CADM3: variants seen among roughly 807,000 people sequenced by gnomAD.
CADM3 encodes cell adhesion molecule 3.
Under a neutral mutation model 44.9 loss-of-function variants are expected in CADM3, and 11 were observed. That is an observed-to-expected ratio of 0.25 (90% CI 0.15 to 0.41). The LOEUF (loss-of-function observed/expected upper bound fraction) is 0.41. Ranked by LOEUF, CADM3 falls within the 10% of genes least tolerant of loss-of-function variation. CADM3 has a pLI of 1.00. For missense variants in CADM3, 426 were observed against 512.0 expected (o/e 0.83, Z 1.62); for synonymous variants, 207 against 205.2 (o/e 1.01, Z -0.08).
At chr1:159,174,971 C>T (rs1648964805) in intron 1 of CADM3, among the ~76,000 whole-genome samples, 1 of 152,182 alleles carries the variant, frequency 6.6e-6, no homozygotes, top group Admixed American at 6.5e-5. Context: ...GCAATTTAAC[C>T]TTGTACTGCA....
intron 5 of CADM3, 70 bp downstream of exon 5, chr1:159,194,110 G>GTACC (rs1649792471): frequency 6.7e-7 from 1 of 1,491,146 alleles, no homozygotes; most frequent in Non-Finnish European, 9.1e-7. Flanking sequence ...GAGAATGCAG[G>GTACC]TGACTGTGCA....
At chr1:159,191,819 A>T in intron 1 of CADM3, 117 bp from the exon 2 acceptor site, 1 of 1,175,492 alleles carries the variant, frequency 8.5e-7, no homozygotes, top group Non-Finnish European at 1.2e-6. Context: ...GGGTACACAG[A>T]GACCTTGTGT....
chr1:159,192,124 A>T, intron 2 of CADM3, 48 bp downstream of exon 2: 3 of 1,598,804 alleles, frequency 1.9e-6, no homozygotes, highest in Non-Finnish European at 1.7e-6. Flanking sequence ...TGGGCTAGAG[A>T]AGGGGACTGC....
intron 1 of CADM3, among the ~76,000 whole-genome samples, chr1:159,178,030 A>G (rs1298699903): frequency 6.6e-6 from 1 of 152,218 alleles, no homozygotes; most frequent in African/African-American, 2.4e-5. Context: ...TTTGCATATA[A>G]CCTATGCACA....
chr1:159,176,306 C>A (rs562580421), intron 1 of CADM3, among the ~76,000 whole-genome samples: 1 of 152,300 alleles, frequency 6.6e-6, no homozygotes, highest in South Asian at 2.1e-4. Context: ...ATGTTTAACA[C>A]TGACTATAGG....
chr1:159,180,432 G>C (rs1348061780), intron 1 of CADM3, among the ~76,000 whole-genome samples: 1 of 152,160 alleles, frequency 6.6e-6, no homozygotes, highest in African/African-American at 2.4e-5. Context: ...AGAGAGATAA[G>C]AGTTCTTTAT....
intron 1 of CADM3, among the ~76,000 whole-genome samples, chr1:159,190,862 G>C (rs1054440861): frequency 5.9e-5 from 9 of 152,346 alleles, no homozygotes; most frequent in African/African-American, 2.2e-4. Context: ...CAATGTTGGT[G>C]AAACAATTTA....
intron 1 of CADM3, among the ~76,000 whole-genome samples, chr1:159,185,002 G>C (rs1649363764): frequency 6.6e-6 from 1 of 152,160 alleles, no homozygotes; most frequent in Admixed American, 6.5e-5. Context: ...AATAAAGCAA[G>C]AGTTAAGAAA....
At chr1:159,194,083 T>G in intron 5 of CADM3, 43 bp downstream of exon 5, 1 of 1,577,378 alleles carries the variant, frequency 6.3e-7, no homozygotes. Context: ...AGGTATGAGA[T>G]GAGGACCAGG....
At chr1:159,188,575 G>A (rs1307037495) in intron 1 of CADM3, among the ~76,000 whole-genome samples, 2 of 152,078 alleles carry the variant, frequency 1.3e-5, no homozygotes, top group African/African-American at 2.4e-5. Flanking sequence ...TCCAAAGCCC[G>A]GACACGTAGC....
chr1:159,189,327 T>C (rs1649552336), intron 1 of CADM3, among the ~76,000 whole-genome samples: 1 of 152,234 alleles, frequency 6.6e-6, no homozygotes, highest in Non-Finnish European at 1.5e-5. Flanking sequence ...AATTATTAAA[T>C]GTGTAGTAAT....
chr1:159,200,091 G>T (rs1468057632), intron 8 of CADM3, among the ~76,000 whole-genome samples: 3 of 152,150 alleles, frequency 2.0e-5, no homozygotes, highest in Admixed American at 6.5e-5. Context: ...ATCACTTGGG[G>T]ATCGTCCAAG....
chr1:159,200,622 G>T (rs1381534178), intron 8 of CADM3, among the ~76,000 whole-genome samples, 182 bp from the exon 9 acceptor site: 1 of 152,238 alleles, frequency 6.6e-6, no homozygotes, highest in African/African-American at 2.4e-5. Flanking sequence ...TTCATGAAGG[G>T]TGTGGTCAGG....
chr1:159,183,386 C>T (rs1327293883), intron 1 of CADM3, among the ~76,000 whole-genome samples: 1 of 152,092 alleles, frequency 6.6e-6, no homozygotes, highest in Admixed American at 6.6e-5. Context: ...CAAGAGGCTG[C>T]TTGATAAACA....
intron 1 of CADM3, among the ~76,000 whole-genome samples, chr1:159,178,719 G>A (rs957387243): frequency 1.3e-5 from 2 of 151,992 alleles, no homozygotes; most frequent in Non-Finnish European, 2.9e-5. Flanking sequence ...ATGCTTTAAG[G>A]GTACCTTCCA....
chr1:159,176,234 G>T (rs1194849149), intron 1 of CADM3, among the ~76,000 whole-genome samples: 2 of 152,122 alleles, frequency 1.3e-5, no homozygotes, highest in East Asian at 3.8e-4. Context: ...AAAATTCAAA[G>T]TTATTATAAA....
At chr1:159,200,020 C>A (rs1255226860) in intron 8 of CADM3, 144 bp downstream of exon 8, 3 of 1,084,524 alleles carry the variant, frequency 2.8e-6, no homozygotes, top group Non-Finnish European at 4.0e-6. Flanking sequence ...AAAAATGGAG[C>A]CAACCCTATC....
chr1:159,180,916 A>G (rs970204237), intron 1 of CADM3, among the ~76,000 whole-genome samples: 1 of 152,228 alleles, frequency 6.6e-6, no homozygotes, highest in Admixed American at 6.5e-5. Context: ...GCATAGGAGA[A>G]TAAGACAGAG....
At chr1:159,195,996 A>G (rs920209154) in intron 5 of CADM3, 1 of 177,858 alleles carries the variant, frequency 5.6e-6, no homozygotes, top group Non-Finnish European at 1.2e-5. Flanking sequence ...TGTGAGCTCA[A>G]TATGTGACAA....
Sources: allele counts gnomAD v4.1 joint callset (sites outside exome capture counted in the v4.1 genomes callset), GRCh38; gene constraint gnomAD v4.1.1; transcripts MANE v1.5; gene names NCBI Gene and HGNC (gene_info 2026-07-23, HGNC 2026-07-21).